TUSC3: variants seen among roughly 807,000 people sequenced by gnomAD.
TUSC3 encodes dolichyl-diphosphooligosaccharide--protein glycosyltransferase subunit TUSC3.
TUSC3 carries 45 observed loss-of-function variants against 44.8 expected under a neutral mutation model. The ratio of observed to expected loss-of-function variants is 1.00; its 90% CI spans 0.79 to 1.29. The LOEUF (loss-of-function observed/expected upper bound fraction) is 1.29, where lower values mean the gene tolerates loss of function less well. TUSC3 is among the 50% of genes most tolerant of loss of function. The pLI is 0.00. For synonymous variants in TUSC3, 212 were observed against 152.9 expected (o/e 1.39, Z -2.85); for missense variants, 519 against 437.9 (o/e 1.19, Z -1.65).
intron 7 of TUSC3, among the ~76,000 whole-genome samples, chr8:15,736,913 T>C (rs1375702362): frequency 6.6e-6 from 1 of 152,164 alleles, no homozygotes; most frequent in African/African-American, 2.4e-5. Context: ...GTGTCAACTA[T>C]ATAATCTCTG....
At chr8:15,757,964 G>A in intron 10 of TUSC3, 109 bp downstream of exon 10, 4 of 1,506,306 alleles carry the variant, frequency 2.7e-6, no homozygotes, top group Non-Finnish European at 3.6e-6. Flanking sequence ...TTTTACAAAT[G>A]TAAGATAACT....
chr8:15,715,452 AG>A (rs1810020661), intron 6 of TUSC3, among the ~76,000 whole-genome samples: 1 of 152,150 alleles, frequency 6.6e-6, no homozygotes, highest in South Asian at 2.1e-4. Flanking sequence ...ACTAATGGGA[AG>A]GTAGCATGTA....
chr8:15,688,430 CTT>C (rs11383982), intron 6 of TUSC3, among the ~76,000 whole-genome samples: 30,105 of 141,220 alleles, frequency 0.21, 3,885 homozygotes, highest in Non-Finnish European at 0.3. Context: ...CTTCAGTATT[CTT>C]TTTTTTTTTT....
At chr8:15,618,247 TCTTTGATAATAAATTAACTTTACCCTA>T (rs1805082276) in intron 1 of TUSC3, among the ~76,000 whole-genome samples, 1 of 152,200 alleles carries the variant, frequency 6.6e-6, no homozygotes, top group Non-Finnish European at 1.5e-5. Flanking sequence ...GAAAGATTTT[TCTTTGATAATAAATTAACTTTACCCTA>T]CTAGAACTTT....
At chr8:15,714,216 C>A (rs1014084039) in intron 6 of TUSC3, among the ~76,000 whole-genome samples, 1 of 152,040 alleles carries the variant, frequency 6.6e-6, no homozygotes. Context: ...AATTTTGTAA[C>A]ACTTTACCTC....
chr8:15,585,675 T>A (rs2129148510), intron 1 of TUSC3, among the ~76,000 whole-genome samples: 1 of 152,294 alleles, frequency 6.6e-6, no homozygotes, highest in African/African-American at 2.4e-5. Context: ...GTGGATGTTT[T>A]AGGGGATGGA....
the TUSC3 span, among the ~76,000 whole-genome samples, chr8:15,826,818 C>T: frequency 0.14 from 21,354 of 151,914 alleles, 1,657 homozygotes; most frequent in East Asian, 0.25. Flanking sequence ...ATGGAGAAGC[C>T]GGAGATGGCA....
At chr8:15,574,120 C>T (rs1023490781) in intron 1 of TUSC3, among the ~76,000 whole-genome samples, 4 of 152,128 alleles carry the variant, frequency 2.6e-5, no homozygotes, top group Non-Finnish European at 5.9e-5. Flanking sequence ...AAGGGAAGCT[C>T]ACTGGCATTC....
chr8:15,611,904 T>C (rs1157973368), intron 1 of TUSC3, among the ~76,000 whole-genome samples: 1 of 152,244 alleles, frequency 6.6e-6, no homozygotes, highest in Non-Finnish European at 1.5e-5. Context: ...ATAACTTTTC[T>C]ACTAAATGCA....
chr8:15,692,629 T>A (rs1808967799), intron 6 of TUSC3, among the ~76,000 whole-genome samples: 1 of 151,610 alleles, frequency 6.6e-6, no homozygotes, highest in Non-Finnish European at 1.5e-5. Flanking sequence ...CTAGCTTGTG[T>A]GCATAGAGGT....
chr8:15,479,645 G>A (rs962956143), intron 1 of TUSC3, among the ~76,000 whole-genome samples: 8 of 152,052 alleles, frequency 5.3e-5, no homozygotes, highest in African/African-American at 1.9e-4. Flanking sequence ...TGGTCTCTGT[G>A]TCTGTTTTGT....
chr8:15,709,355 TATGAGATAA>T (rs1195456833), intron 6 of TUSC3, among the ~76,000 whole-genome samples: 1 of 151,932 alleles, frequency 6.6e-6, no homozygotes, highest in African/African-American at 2.4e-5. Flanking sequence ...CCAATCCAAG[TATGAGATAA>T]GTCCTGTTAG....
chr8:15,597,880 T>G (rs1377054126), intron 1 of TUSC3, among the ~76,000 whole-genome samples: 2 of 152,070 alleles, frequency 1.3e-5, no homozygotes, highest in Non-Finnish European at 2.9e-5. Flanking sequence ...GGAAAAACAT[T>G]AGTTAATATT....
At chr8:15,524,701 C>T (rs918363159) in intron 2 of TUSC3, among the ~76,000 whole-genome samples, 6 of 152,162 alleles carry the variant, frequency 3.9e-5, no homozygotes, top group African/African-American at 1.2e-4. Context: ...TATTTTTAGA[C>T]ACCCAAACCT....
At chr8:15,455,993 C>G (rs1046709948) in intron 1 of TUSC3, among the ~76,000 whole-genome samples, 15 of 152,142 alleles carry the variant, frequency 9.9e-5, no homozygotes, top group African/African-American at 3.4e-4. Context: ...TGTCTAATGA[C>G]CAATGACTCC....
intron 2 of TUSC3, among the ~76,000 whole-genome samples, chr8:15,623,757 A>C (rs1306493036): frequency 6.6e-6 from 1 of 152,160 alleles, no homozygotes; most frequent in Non-Finnish European, 1.5e-5. Flanking sequence ...AAAAGTATAC[A>C]ACAAACACTT....
At chr8:15,431,150 A>G (rs1384686051) in intron 1 of TUSC3, among the ~76,000 whole-genome samples, 4 of 151,612 alleles carry the variant, frequency 2.6e-5, no homozygotes, top group Non-Finnish European at 5.9e-5. Context: ...TCTCAAGATC[A>G]CTTTGGCTAT....
At chr8:15,831,817 A>T in the TUSC3 span, among the ~76,000 whole-genome samples, 1 of 152,202 alleles carries the variant, frequency 6.6e-6, no homozygotes, top group East Asian at 1.9e-4. Flanking sequence ...TATATGATTC[A>T]TTGGTGTCTC....
At chr8:15,582,154 G>C (rs1040409943) in intron 1 of TUSC3, among the ~76,000 whole-genome samples, 1 of 152,178 alleles carries the variant, frequency 6.6e-6, no homozygotes, top group Non-Finnish European at 1.5e-5. Flanking sequence ...GCAATGCCTC[G>C]CCCTGCTTCG....
Sources: allele counts gnomAD v4.1 joint callset (sites outside exome capture counted in the v4.1 genomes callset), GRCh38; gene constraint gnomAD v4.1.1; transcripts MANE v1.5; gene names NCBI Gene and HGNC (gene_info 2026-07-23, HGNC 2026-07-21).